The following SLC25A26 variants were observed in gnomAD, a reference collection of about 807,000 sequenced individuals.
SLC25A26 encodes mitochondrial S-adenosylmethionine carrier protein.
A neutral mutation model predicts 37.8 loss-of-function variants in SLC25A26; 36 were observed. The ratio of observed to expected loss-of-function variants is 0.95; its 90% confidence interval spans 0.73 to 1.26. SLC25A26 has a LOEUF of 1.26. Among genes scored for constraint, SLC25A26 ranks in the 50% most tolerant of loss-of-function variants. The pLI, the probability that SLC25A26 is intolerant of heterozygous loss-of-function variation, is 0.00. For missense variants in SLC25A26, 390 were observed against 331.1 expected, an observed-to-expected ratio of 1.18 and a Z score of -1.38; for synonymous variants, 129 against 122.5, an observed-to-expected ratio of 1.05 and a Z score of -0.35.
chr3:66,368,209 G>A (rs2076867735), intron 7 of SLC25A26, among the ~76,000 whole-genome samples: 1 of 152,158 alleles, frequency 6.6e-6, no homozygotes, highest in African/African-American at 2.4e-5. Context: ...TCACACACGG[G>A]TGTCCTGTTG....
At chr3:66,368,333 C>A (rs1402782426) in intron 7 of SLC25A26, among the ~76,000 whole-genome samples, 1 of 152,122 alleles carries the variant, frequency 6.6e-6, no homozygotes, top group Non-Finnish European at 1.5e-5. Context: ...TAGAATATAT[C>A]TTTGTACTGC....
chr3:66,194,744 G>A (rs1011488071), intron 1 of SLC25A26, among the ~76,000 whole-genome samples: 5 of 152,226 alleles, frequency 3.3e-5, no homozygotes, highest in Admixed American at 1.3e-4. Context: ...TGGGATTACA[G>A]GCATGCGCCA....
intron 1 of SLC25A26, among the ~76,000 whole-genome samples, chr3:66,202,915 G>T (rs2071128924): frequency 6.6e-6 from 1 of 152,082 alleles, no homozygotes. Flanking sequence ...CTTTGTTCAA[G>T]ACCAAATTTA....
chr3:66,253,035 C>A (rs972606439), intron 3 of SLC25A26, among the ~76,000 whole-genome samples: 2 of 142,696 alleles, frequency 1.4e-5, no homozygotes, highest in African/African-American at 5.2e-5. Context: ...CCCCCCCCCC[C>A]CATAAATATG....
At chr3:66,361,186 A>G (rs1386101003) in intron 6 of SLC25A26, among the ~76,000 whole-genome samples, 2 of 152,248 alleles carry the variant, frequency 1.3e-5, no homozygotes, top group Non-Finnish European at 2.9e-5. Context: ...GAATATCCAT[A>G]TGTGAAAACA....
upstream of SLC25A26, chr3:66,220,873 G>T (rs1251316243): frequency 5.1e-6 from 3 of 588,934 alleles, no homozygotes; most frequent in Non-Finnish European, 8.9e-6. Context: ...GGGATTTGCC[G>T]AGACTTAGCT....
intron 9 of SLC25A26, among the ~76,000 whole-genome samples, chr3:66,373,055 A>G (rs1392239087): frequency 2.0e-5 from 3 of 152,148 alleles, no homozygotes; most frequent in Admixed American, 1.3e-4. Context: ...GAAATATATT[A>G]CTAAACAAAC....
intron 1 of SLC25A26, among the ~76,000 whole-genome samples, chr3:66,175,109 GTATATA>G (rs769631849): frequency 2.0e-4 from 19 of 97,308 alleles, no homozygotes; most frequent in East Asian, 9.2e-4. Context: ...ATGTGTGTGT[GTATATA>G]TATATATATA....
At position 66,371,503 on chromosome 3, in the gene SLC25A26, T is replaced by C. The variant is rs1167903235; in HGVS notation, c.707+901T>C. On this transcript the variant is annotated intron_variant, in intron 9 of 9. Coordinates refer to ENST00000354883, the MANE Select transcript of SLC25A26 (RefSeq NM_001379210.1). Reference sequence around the variant, plus strand: ...TTGGAAGTTTGAAAAGTAGGTGATATTGGATGGTTTTGTTGAATGTGACAA... The same window carrying C: ...TTGGAAGTTTGAAAAGTAGGTGATACTGGATGGTTTTGTTGAATGTGACAA... 1.2e-5 allele frequency: 17 copies of C among 1,363,050 alleles called. No homozygotes were observed. In the South Asian group the frequency reaches 1.9e-4, roughly 15 times the overall value. The allele number at this position is 1,363,050 out of a possible 1,614,324, so 84.4% of individuals were successfully genotyped here. A position where few individuals can be genotyped will look rare whatever the true frequency, so the allele number is the denominator to read the frequency against.
chr3:66,317,911 T>C (rs2075584818), intron 5 of SLC25A26, among the ~76,000 whole-genome samples: 1 of 152,174 alleles, frequency 6.6e-6, no homozygotes, highest in Non-Finnish European at 1.5e-5. Context: ...GCCGCTGTAC[T>C]GTGATGTGGG....
intron 1 of SLC25A26, among the ~76,000 whole-genome samples, chr3:66,229,731 G>A (rs560170490): frequency 1.3e-5 from 2 of 152,278 alleles, no homozygotes; most frequent in South Asian, 2.1e-4. Context: ...AGTTGAAACC[G>A]AAGCTAAATC....
At chr3:66,174,433 A>G (rs1376073736) in intron 1 of SLC25A26, among the ~76,000 whole-genome samples, 1 of 152,156 alleles carries the variant, frequency 6.6e-6, no homozygotes, top group Non-Finnish European at 1.5e-5. Context: ...ACTTATTAAT[A>G]CTCATCATTA....
chr3:66,269,971 C>T (rs1164802860), intron 5 of SLC25A26, among the ~76,000 whole-genome samples: 1 of 152,146 alleles, frequency 6.6e-6, no homozygotes, highest in East Asian at 1.9e-4. Context: ...ACACAGTGAG[C>T]ACTCAGTGAA....
At chr3:66,224,833 A>G (rs2071665703) in intron 1 of SLC25A26, among the ~76,000 whole-genome samples, 1 of 152,196 alleles carries the variant, frequency 6.6e-6, no homozygotes, top group Admixed American at 6.5e-5. Context: ...CCCATTGCAA[A>G]TGGGAGAGAT....
chr3:66,255,657 T>C (rs1038396139), intron 3 of SLC25A26, among the ~76,000 whole-genome samples: 22 of 152,212 alleles, frequency 1.4e-4, no homozygotes, highest in Non-Finnish European at 2.6e-4. Flanking sequence ...ACAGAATGGA[T>C]TTACCAAGAG....
chr3:66,147,857 C>G (rs938242404), intron 1 of SLC25A26, among the ~76,000 whole-genome samples: 2 of 152,134 alleles, frequency 1.3e-5, no homozygotes, highest in Non-Finnish European at 2.9e-5. Flanking sequence ...CTCCTGGGTT[C>G]AAGCCATTTT....
intron 1 of SLC25A26, among the ~76,000 whole-genome samples, chr3:66,236,070 C>A (rs1576678635): frequency 1.3e-5 from 2 of 152,018 alleles, no homozygotes; most frequent in South Asian, 2.1e-4. Flanking sequence ...TGCCACCATG[C>A]CCAGCTTAAT....
chr3:66,244,338 C>G (rs1559609927), intron 3 of SLC25A26, among the ~76,000 whole-genome samples: 1 of 152,146 alleles, frequency 6.6e-6, no homozygotes, highest in Non-Finnish European at 1.5e-5. Flanking sequence ...AAAGCAAAAA[C>G]TGACAGAATT....
intron 5 of SLC25A26, among the ~76,000 whole-genome samples, chr3:66,330,537 C>T (rs2075948813): frequency 1.3e-5 from 2 of 150,978 alleles, no homozygotes; most frequent in African/African-American, 2.4e-5. Context: ...TGTATTCTAC[C>T]TCTGTTGTAG....
Sources: gnomAD v4.1 joint callset for allele counts (sites outside exome capture counted in the v4.1 genomes callset) on GRCh38, gnomAD v4.1.1 for gene constraint, MANE v1.5 for transcripts, NCBI Gene and HGNC (gene_info 2026-07-23, HGNC 2026-07-21) for gene names.